FOXP2: variants seen among roughly 807,000 people sequenced by gnomAD.
FOXP2 encodes the protein forkhead box protein P2.
A neutral mutation model predicts 115.8 loss-of-function variants in FOXP2; 12 were observed. That is an observed-to-expected ratio of 0.10 (90% CI 0.07 to 0.17). The LOEUF (loss-of-function observed/expected upper bound fraction) is 0.17. Among genes scored for constraint, FOXP2 ranks in the 10% least tolerant of loss-of-function variants. FOXP2 has a pLI of 1.00. For missense variants in FOXP2, 629 were observed against 843.5 expected (o/e 0.75, Z 3.15); for synonymous variants, 328 against 297.7 (o/e 1.10, Z -1.05).
intron 1 of FOXP2, among the ~76,000 whole-genome samples, chr7:114,273,425 T>C (rs1037147860): frequency 6.6e-6 from 1 of 152,052 alleles, no homozygotes; most frequent in African/African-American, 2.4e-5. Context: ...GCTGGTATTA[T>C]TGGCCGTCTC....
chr7:114,581,311 G>A (rs987725660), intron 3 of FOXP2, among the ~76,000 whole-genome samples: 9 of 151,794 alleles, frequency 5.9e-5, no homozygotes, highest in African/African-American at 1.9e-4. Flanking sequence ...AGCCTCCCCA[G>A]TAGTTGGCAC....
At chr7:114,269,146 A>C (rs1393930047) in intron 1 of FOXP2, among the ~76,000 whole-genome samples, 1 of 152,288 alleles carries the variant, frequency 6.6e-6, no homozygotes, top group African/African-American at 2.4e-5. Flanking sequence ...TGTTGGACAA[A>C]CAATTTGATA....
rs139204934 is a variant in FOXP2 at position 114,316,459 on chromosome 7, T to A, written c.-11+28350T>A. Among the ~76,000 whole-genome samples, 168 of 152,322 alleles carry A rather than the reference T, an allele frequency of 1.1e-3. 1 individual carries two copies. Among genetic ancestry groups the A allele is most frequent in the African/African-American group, 3.7e-3 (155 of 41,582 alleles). On this transcript the variant is annotated intron_variant, in intron 2 of 17. Coordinates refer to the FOXP2 transcript ENST00000634411. ...CAGGTATAGTCCCTACTTTCATTGA[T>A]GATACAGTATATTTTTGTAAAAGTG...
rs1178344227 is a variant in FOXP2, at chr7:114,644,675, T to C, written c.990-10T>C. ...TGAGATGAATCTGACGTCGTGTTCT[T>C]TTGCTACAGCTCGTCACATGAGGAG... On this transcript the variant is annotated splice_polypyrimidine_tract_variant and intron_variant, in intron 7 of 16. Transcript: ENST00000350908. The C allele has an allele frequency of 1.9e-6, 3 of 1,611,324 alleles. No homozygotes were observed. The highest frequency in any genetic ancestry group is 2.5e-6 in the Non-Finnish European group (3 of 1,177,552).
At chr7:114,271,270 T>A (rs1423896141) in intron 1 of FOXP2, among the ~76,000 whole-genome samples, 1 of 151,334 alleles carries the variant, frequency 6.6e-6, no homozygotes, top group Non-Finnish European at 1.5e-5. Flanking sequence ...TACTTTTTCT[T>A]TCTTTTATTT....
intron 3 of FOXP2, among the ~76,000 whole-genome samples, chr7:114,620,587 A>G (rs1023323848): frequency 1.3e-5 from 2 of 152,092 alleles, no homozygotes; most frequent in African/African-American, 4.8e-5. Context: ...GAGCAAAATT[A>G]TCTTAAATAC....
At chr7:114,628,508 G>A (rs1242783820) in intron 3 of FOXP2, 32 bp from the exon 4 acceptor site, 21 of 1,613,012 alleles carry the variant, frequency 1.3e-5, no homozygotes, top group African/African-American at 4.0e-5. Context: ...TTATGACCAC[G>A]AATTTTCTTT....
intron 1 of FOXP2, among the ~76,000 whole-genome samples, chr7:114,422,987 G>A (rs1584716456): frequency 6.6e-6 from 1 of 151,734 alleles, no homozygotes; most frequent in East Asian, 2.0e-4. Context: ...AAACACAAAA[G>A]CACTGTTGTG....
At chr7:114,374,039 G>A (rs950528520) in intron 2 of FOXP2, among the ~76,000 whole-genome samples, 2 of 152,060 alleles carry the variant, frequency 1.3e-5, no homozygotes, top group South Asian at 2.1e-4. Context: ...TTTAGGCAAC[G>A]ATTATATTAG....
At chr7:114,119,591 G>C (rs1052799825) in intron 1 of FOXP2, among the ~76,000 whole-genome samples, 4 of 151,912 alleles carry the variant, frequency 2.6e-5, no homozygotes, top group African/African-American at 9.7e-5. Flanking sequence ...TGTACCTGTG[G>C]TTCCAACTAC....
chr7:114,529,587 A>ATT (rs2129274536), intron 2 of FOXP2, among the ~76,000 whole-genome samples: 1 of 151,908 alleles, frequency 6.6e-6, no homozygotes, highest in South Asian at 2.1e-4. Flanking sequence ...CCACACATTA[A>ATT]TTTTCTAACT....
chr7:114,200,608 A>G (rs7794311), intron 1 of FOXP2, among the ~76,000 whole-genome samples: 4,279 of 152,292 alleles, frequency 0.028, 144 homozygotes, highest in African/African-American at 0.087. Context: ...TGATAGGCAT[A>G]CATTTCTGTT....
intron 2 of FOXP2, among the ~76,000 whole-genome samples, chr7:114,495,331 T>G (rs1313843851): frequency 6.6e-6 from 1 of 152,138 alleles, no homozygotes; most frequent in East Asian, 1.9e-4. Flanking sequence ...CATTAAAATA[T>G]TTGTTTTATT....
intron 5 of FOXP2, 53 bp from the exon 6 acceptor site, chr7:114,631,472 CTGT>C: frequency 6.5e-7 from 1 of 1,550,034 alleles, no homozygotes; most frequent in Non-Finnish European, 8.7e-7. Context: ...TGTAAGAGAG[CTGT>C]TTGTACAGAC....
intron 1 of FOXP2, among the ~76,000 whole-genome samples, chr7:114,110,695 G>A (rs1004538805): frequency 1.3e-5 from 2 of 152,074 alleles, no homozygotes; most frequent in African/African-American, 4.8e-5. Context: ...ATTGATTAGA[G>A]GTGCAAAGTA....
At chr7:114,254,407 C>G (rs1272613174) in intron 1 of FOXP2, among the ~76,000 whole-genome samples, 1 of 152,178 alleles carries the variant, frequency 6.6e-6, no homozygotes, top group African/African-American at 2.4e-5. Flanking sequence ...TGGTTCCATT[C>G]TCCCCGTCAC....
intron 2 of FOXP2, among the ~76,000 whole-genome samples, chr7:114,379,052 T>C (rs2129191247): frequency 6.6e-6 from 1 of 152,240 alleles, no homozygotes; most frequent in African/African-American, 2.4e-5. Flanking sequence ...CTCCCTGTTA[T>C]AGGCTTCTTA....
intron 3 of FOXP2, among the ~76,000 whole-genome samples, chr7:114,566,667 G>C (rs1801039670): frequency 6.6e-6 from 1 of 151,944 alleles, no homozygotes; most frequent in Non-Finnish European, 1.5e-5. Flanking sequence ...AAATTACTCA[G>C]CCTCATGTAT....
At chr7:114,665,755 T>A (rs1299020869) in intron 16 of FOXP2, 2 of 152,112 alleles carry the variant, frequency 1.3e-5, no homozygotes, top group East Asian at 3.8e-4. Context: ...AGAAAGAACA[T>A]GAATATATGC....
Sources: gnomAD v4.1 joint callset for allele counts (sites outside exome capture counted in the v4.1 genomes callset) on GRCh38, gnomAD v4.1.1 for gene constraint, MANE v1.5 for transcripts, NCBI Gene and HGNC (gene_info 2026-07-23, HGNC 2026-07-21) for gene names.